Variants in C11orf68 observed in about 807,000 individuals in gnomAD.
C11orf68 encodes the protein chromosome 11 open reading frame 68, also known as UPF0696 protein C11orf68.
C11orf68 carries 3 observed loss-of-function variants against 4.7 expected under a neutral mutation model. The ratio of observed to expected loss-of-function variants is 0.64; its 90% CI spans 0.29 to 1.66. C11orf68 has a LOEUF of 1.66. C11orf68 is among the 40% of genes most tolerant of loss of function. The pLI is 0.10. For missense variants in C11orf68, 422 were observed against 408.0 expected, an observed-to-expected ratio of 1.03 and a Z score of -0.30; for synonymous variants, 186 against 167.8, an observed-to-expected ratio of 1.11 and a Z score of -0.84.
rs1347295716 is a variant in C11orf68 at position 65,917,936 on chromosome 11, C to T, written c.405G>A (p.Val135=). 49 of 1,607,746 alleles carry T rather than the reference C, an allele frequency of 3.0e-5. No individual in the cohort carries two copies. Among genetic ancestry groups the T allele is most frequent in the Non-Finnish European group, 3.9e-5 (46 of 1,179,924 alleles). Residue 135 remains valine, a synonymous_variant, in exon 2 of 2, where the codon GTG becomes GTA. Transcript: ENST00000438576. ...GQGYSPNSGD[V]QGLQAAWEAL... Reference sequence around the variant, plus strand: ...CTTCCCAGGCTGCCTGCAGGCCCTGCACGTCCCCGGAGTTGGGGCTGTAGC... The same window carrying T: ...CTTCCCAGGCTGCCTGCAGGCCCTGTACGTCCCCGGAGTTGGGGCTGTAGC...
Position 65,917,466 on chromosome 11 carries a change from A to C in C11orf68, c.875T>G (p.Leu292Arg). 6.2e-7 allele frequency: 1 copy of C among 1,608,938 alleles called. No homozygotes were observed. The highest frequency in any genetic ancestry group is 8.5e-7 in the Non-Finnish European group (1 of 1,177,266). Reference protein sequence around the residue: ...RVLDRANNVELT With the variant: ...RVLDRANNVERT ...CTCCCCAATTTGGCCCCCCTAGGTCAGTTCCACGTTGTTGGCACGGTCAAG... is the reference window on the plus strand; with the variant it reads ...CTCCCCAATTTGGCCCCCCTAGGTCCGTTCCACGTTGTTGGCACGGTCAAG... Residue 292 changes from leucine (L) to arginine (R), a missense_variant, in exon 2 of 2, where the codon CTG becomes CGG. Coordinates refer to ENST00000438576, the MANE Select transcript of C11orf68 (RefSeq NM_001135635.2).
In C11orf68 at chr11:65,918,948, G is replaced by A. The variant is rs1462769846; in HGVS notation, c.84C>T (p.Ala28=). 2 of 1,233,028 alleles carry A rather than the reference G, an allele frequency of 1.6e-6. No homozygotes were observed. The highest frequency in any genetic ancestry group is 1.6e-5 in the African/African-American group (1 of 62,340). The allele number at this position is 1,233,028 out of a possible 1,614,324, so 76.4% of individuals were successfully genotyped here. A position where few individuals can be genotyped will look rare whatever the true frequency, so the allele number is the denominator to read the frequency against. Residue 28 remains alanine (A), a synonymous_variant, in exon 1 of 2, where the codon GCC becomes GCT. Coordinates refer to ENST00000438576, the MANE Select transcript of C11orf68 (RefSeq NM_001135635.2). ...TGCGTTCGACGCCGGCCCAGCCCCGGGCCCGGCTCCGCTCCTGCCGTGGCT... is the reference window on the plus strand; with the variant it reads ...TGCGTTCGACGCCGGCCCAGCCCCGAGCCCGGCTCCGCTCCTGCCGTGGCT... ...GAEPRQERSR[A]RGWAGVERSE... is the part of the protein sequence containing the mutation.
intron 1 of C11orf68, chr11:65,918,468 G>A (rs762754532): frequency 9.0e-6 from 4 of 445,148 alleles, no homozygotes; most frequent in Non-Finnish European, 1.5e-5. Flanking sequence ...AACTGAGGCT[G>A]AGAAAAAGGA....
intron 1 of C11orf68, 80 bp downstream of exon 1, chr11:65,918,830 C>A: frequency 9.2e-7 from 1 of 1,084,646 alleles, no homozygotes; most frequent in Non-Finnish European, 1.1e-6. Flanking sequence ...CCGTGCCGCG[C>A]CCGCCGCCAT....
chr11:65,918,717 G>A (rs1006663431), intron 1 of C11orf68, among the ~76,000 whole-genome samples, 193 bp downstream of exon 1: 4 of 152,374 alleles, frequency 2.6e-5, no homozygotes, highest in Admixed American at 2.6e-4. Flanking sequence ...TACAGACGAG[G>A]ACGCTGAAGT....
intron 1 of C11orf68, 118 bp from the exon 2 acceptor site, chr11:65,918,336 T>A: frequency 8.4e-7 from 1 of 1,185,604 alleles, no homozygotes; most frequent in Non-Finnish European, 1.1e-6. Flanking sequence ...GCCTCATCTT[T>A]ACAATGGGAT....
chr11:65,917,291 C>T lies in C11orf68; in HGVS notation c.*168G>A. ...CCCAGCCTGTGGGGCTTGTGTCAGC[C>T]CTGAACAGAGGGCAGAAGTTCAAGG... On this transcript the variant is annotated 3_prime_UTR_variant, in exon 2 of 2. Transcript: ENST00000438576. 1.2e-6 allele frequency: 1 copy of T among 857,114 alleles called. No homozygotes were observed. Among genetic ancestry groups the T allele is most frequent in the East Asian group, 2.5e-5 (1 of 40,684 alleles). 53.1% of individuals were successfully genotyped at this position (857,114 alleles called of 1,614,324 possible). A position where few individuals can be genotyped will look rare whatever the true frequency, so the allele number is the denominator to read the frequency against.
In C11orf68 at chr11:65,917,180, T is replaced by C. The variant is rs1854468849; in HGVS notation, c.*279A>G. On this transcript the variant is annotated 3_prime_UTR_variant, in exon 2 of 2. Coordinates refer to ENST00000438576, the MANE Select transcript of C11orf68 (RefSeq NM_001135635.2). Reference sequence around the variant, plus strand: ...CAAGAAGTCTCTCCTTCTAGGTGTCTGCACCCAACTCATGGTGCTGGGCAG... The same window carrying C: ...CAAGAAGTCTCTCCTTCTAGGTGTCCGCACCCAACTCATGGTGCTGGGCAG... 4.6e-6 allele frequency: 2 copies of C among 432,920 alleles called. No homozygotes were observed. The highest frequency in any genetic ancestry group is 8.3e-6 in the Non-Finnish European group (2 of 241,732). The allele number at this position is 432,920 out of a possible 1,614,324, so 26.8% of individuals were successfully genotyped here.
Position 65,917,723 on chromosome 11 carries a change from G to C in C11orf68, c.618C>G (p.Ala206=), listed in dbSNP as rs1456498955. ...QLQVAKVSPR[A]KEGGRQVICV... is the part of the protein sequence containing the mutation. ...AGATGACCTGGCGCCCACCCTCCTT[G>C]GCACGTGGGCTCACCTTGGCCACCT... is the stretch of plus-strand genomic sequence containing the variant. The change falls in exon 2 of 2, where the codon GCC becomes GCG. Residue 206 remains alanine, a synonymous_variant. Coordinates refer to ENST00000438576, the MANE Select transcript of C11orf68 (RefSeq NM_001135635.2). 2 of 1,613,726 alleles carry C rather than the reference G, an allele frequency of 1.2e-6. No homozygotes were observed. The highest frequency in any genetic ancestry group is 8.5e-7 in the Non-Finnish European group (1 of 1,180,022).
rs1439984499 is a variant in C11orf68 at position 65,917,430 on chromosome 11, G to C, written c.*29C>G. 3.2e-6 allele frequency: 5 copies of C among 1,574,648 alleles called. No individual in the cohort carries two copies. The Admixed American group carries it at 5.3e-5, about 17-fold the overall frequency. ...GGATCCAACCCCAGCATGGAGGGGG[G>C]AGTGGGCAGTCTCCCCAATTTGGCC... On this transcript the variant is annotated 3_prime_UTR_variant, in exon 2 of 2. Transcript: ENST00000438576.
At chr11:65,918,304 T>C in intron 1 of C11orf68, 86 bp from the exon 2 acceptor site, 1 of 1,384,920 alleles carries the variant, frequency 7.2e-7, no homozygotes, top group African/African-American at 1.5e-5. Flanking sequence ...TGAGTAAGAG[T>C]TACTGTCGAT....
At chr11:65,918,422 C>A (rs1413791301) in intron 1 of C11orf68, 1 of 546,912 alleles carries the variant, frequency 1.8e-6, no homozygotes. Flanking sequence ...AGGGTTGCTG[C>A]AGTTATTACT....
In C11orf68 at chr11:65,918,087, C is replaced by A. The variant is rs767960379; in HGVS notation, c.254G>T (p.Arg85Leu). The A allele has an allele frequency of 1.9e-6, 3 of 1,610,722 alleles. No homozygotes were observed. The highest frequency in any genetic ancestry group is 1.7e-5 in the Admixed American group (1 of 59,646). ...DMDPWLVFDA[R>L]TTPATELDAW... Reference sequence around the variant, plus strand: ...ATCCAGCTCAGTGGCAGGCGTTGTGCGGGCATCAAACACTAGCCAGGGGTC... The same window carrying A: ...ATCCAGCTCAGTGGCAGGCGTTGTGAGGGCATCAAACACTAGCCAGGGGTC... Residue 85 changes from arginine to leucine, a missense_variant, in exon 2 of 2, where the codon CGC becomes CTC. Arg to Leu is a moderately radical substitution (Grantham distance 102, BLOSUM62 -2). Transcript: ENST00000438576.
intron 1 of C11orf68, 23 bp from the exon 2 acceptor site, chr11:65,918,241 C>A (rs1319866615): frequency 6.7e-7 from 1 of 1,500,382 alleles, no homozygotes; most frequent in Admixed American, 2.3e-5. Flanking sequence ...CGAGTCAGGG[C>A]AGGGTCTGAG....
chr11:65,918,004 G>T lies in C11orf68; in HGVS notation c.337C>A (p.Pro113Thr). ...ATCCAGCCCACAGGCTCTGAGTTGGGTGAACCGGGGTCCCCATAGCGGGTA... is the reference window on the plus strand; with the variant it reads ...ATCCAGCCCACAGGCTCTGAGTTGGTTGAACCGGGGTCCCCATAGCGGGTA... ...QVTRYGDPGS[P>T]NSEPVGWIAV... The change falls in exon 2 of 2, where the codon CCC becomes ACC. Residue 113 changes from proline to threonine, a missense_variant. Physicochemically the swap from Pro to Thr is conservative, Grantham distance 38. Coordinates refer to ENST00000438576, the MANE Select transcript of C11orf68 (RefSeq NM_001135635.2). The T allele has an allele frequency of 1.9e-6, 3 of 1,605,922 alleles. No homozygotes were observed. The highest frequency in any genetic ancestry group is 2.5e-6 in the Non-Finnish European group (3 of 1,176,884).
In C11orf68 at chr11:65,917,775, G is replaced by A. The variant is rs772769752; in HGVS notation, c.566C>T (p.Ala189Val). The change falls in exon 2 of 2, where the codon GCC (alanine) becomes GTC (valine). Residue 189 changes from alanine (A) to valine (V), a missense_variant. Physicochemically the swap from Ala to Val is moderately conservative, Grantham distance 64. Transcript: ENST00000438576. ...FKLDHAWAGI[A>V]RAVVEGQLQV... The stretch of plus-strand genomic sequence containing the variant: ...AAGCTGGCCTTCAACCACGGCCCGG[G>A]CAATGCCAGCCCAGGCGTGGTCCAG... The A allele has an allele frequency of 1.9e-6, 3 of 1,612,614 alleles. No homozygotes were observed. The highest frequency in any genetic ancestry group is 2.5e-6 in the Non-Finnish European group (3 of 1,179,862).
chr11:65,917,348 C>T lies in C11orf68; in HGVS notation c.*111G>A. 1 of 1,351,450 alleles carries T rather than the reference C, an allele frequency of 7.4e-7. No homozygotes were observed. The highest frequency in any genetic ancestry group is 1.0e-6 in the Non-Finnish European group (1 of 986,056). The allele number at this position is 1,351,450 out of a possible 1,614,324, so 83.7% of individuals were successfully genotyped here. A position where few individuals can be genotyped will look rare whatever the true frequency, so the allele number is the denominator to read the frequency against. On this transcript the variant is annotated 3_prime_UTR_variant, in exon 2 of 2. Transcript: ENST00000438576. ...AAGATGCAGGTAGTTCCCAAGTGAC[C>T]TAGGAGTCCCCAGAGCTGGGGGGTG...
At position 65,918,224 on chromosome 11, in the gene C11orf68, A is replaced by C. The variant is rs750905797; in HGVS notation, c.123-6T>G. The C allele has an allele frequency of 5.0e-5, 75 of 1,511,734 alleles. No homozygotes were observed. The highest frequency in any genetic ancestry group is 6.5e-5 in the Non-Finnish European group (74 of 1,133,634). 93.6% of individuals were successfully genotyped at this position (1,511,734 alleles called of 1,614,324 possible). On this transcript the variant is annotated splice_region_variant and splice_polypyrimidine_tract_variant and intron_variant, in intron 1 of 1. Transcript: ENST00000438576. ...CCTCACCTGGTTCCATCCTGCTGTGAGGGAACCGAGTCAGGGCAGGGTCTG... is the reference window on the plus strand; with the variant it reads ...CCTCACCTGGTTCCATCCTGCTGTGCGGGAACCGAGTCAGGGCAGGGTCTG...
Position 65,918,063 on chromosome 11 carries a change from T to C in C11orf68, c.278A>G (p.Asp93Gly). ...TGGTGGGTACTTGGCCAGCCAGGCA[T>C]CCAGCTCAGTGGCAGGCGTTGTGCG... is the stretch of plus-strand genomic sequence containing the variant. ...DARTTPATEL[D>G]AWLAKYPPSQ... The change falls in exon 2 of 2, where the codon GAT becomes GGT. Residue 93 changes from aspartate to glycine, a missense_variant. Coordinates refer to ENST00000438576, the MANE Select transcript of C11orf68 (RefSeq NM_001135635.2). 1 of 1,610,656 alleles carries C rather than the reference T, an allele frequency of 6.2e-7. No individual in the cohort carries two copies. The highest frequency in any genetic ancestry group is 8.5e-7 in the Non-Finnish European group (1 of 1,178,390).
Sources: gnomAD v4.1 joint callset for allele counts (sites outside exome capture counted in the v4.1 genomes callset) on GRCh38, gnomAD v4.1.1 for gene constraint, MANE v1.5 for transcripts, NCBI Gene and HGNC (gene_info 2026-07-23, HGNC 2026-07-21) for gene names.